Variants in LRRK2 observed in about 807,000 individuals in gnomAD.
LRRK2 encodes leucine rich repeat kinase 2, also known as leucine-rich repeat serine/threonine-protein kinase 2.
A neutral mutation model predicts 302.6 loss-of-function variants in LRRK2; 203 were observed. The ratio of observed to expected loss-of-function variants is 0.67; its 90% confidence interval spans 0.60 to 0.75. The LOEUF is 0.75. Among genes scored for constraint, LRRK2 ranks in the 30% least tolerant of loss-of-function variants. LRRK2 has a pLI of 0.00. For missense variants in LRRK2, 2,830 were observed against 2,951.0 expected (o/e 0.96, Z 0.95); for synonymous variants, 1,066 against 1,031.9 (o/e 1.03, Z -0.63).
intron 7 of LRRK2, among the ~76,000 whole-genome samples, chr12:40,247,486 A>G (rs1018763302): frequency 6.2e-5 from 9 of 145,228 alleles, no homozygotes; most frequent in Non-Finnish European, 1.2e-4. Flanking sequence ...TTGTATATAA[A>G]TGTGTATATA....
At chr12:40,272,098 C>A (rs1258022023) in intron 14 of LRRK2, among the ~76,000 whole-genome samples, 2 of 152,138 alleles carry the variant, frequency 1.3e-5, no homozygotes, top group African/African-American at 4.8e-5. Context: ...AATGCACACT[C>A]CTTGTTTGAA....
chr12:40,237,823 C>CAACAAACA (rs58016929), intron 4 of LRRK2, 146 bp from the exon 5 acceptor site: 91 of 753,048 alleles, frequency 1.2e-4, no homozygotes, highest in Admixed American at 5.8e-4. Context: ...AGTAGTTTAT[C>CAACAAACA]AACAAACAAA....
chr12:40,263,181 T>A (rs1457076960), intron 13 of LRRK2, among the ~76,000 whole-genome samples: 2 of 152,210 alleles, frequency 1.3e-5, no homozygotes, highest in African/African-American at 4.8e-5. Flanking sequence ...TTTAATTATA[T>A]GTTACATTAC....
intron 41 of LRRK2, among the ~76,000 whole-genome samples, chr12:40,341,702 A>G (rs1433575834): frequency 6.6e-6 from 1 of 152,120 alleles, no homozygotes; most frequent in Admixed American, 6.5e-5. Context: ...GCTCAGGGAG[A>G]TTATGTAACT....
At chr12:40,302,056 T>C (rs1008951940) in intron 25 of LRRK2, among the ~76,000 whole-genome samples, 10 of 152,062 alleles carry the variant, frequency 6.6e-5, no homozygotes, top group African/African-American at 2.4e-4. Flanking sequence ...CACCTGCCTG[T>C]AATCCCAGCT....
rs1945521612 is a variant in LRRK2, at chr12:40,325,512, T to C, written c.5656+2206T>C. On this transcript the variant is annotated intron_variant, in intron 38 of 50. Transcript: ENST00000298910. ...GTCATCCTGTGCACTGCAGAATGTT[T>C]GGCAGCATCTCTGTCTATCCACTAG... Among the ~76,000 whole-genome samples the C allele has an allele frequency of 4.6e-5, 7 of 152,332 alleles. No homozygotes were observed. The South Asian group carries it at 1.4e-3, about 32-fold the overall frequency.
In LRRK2 at chr12:40,235,725, T is replaced by C. The variant is rs750569954; in HGVS notation, c.436+11T>C. 1.3e-6 allele frequency: 2 copies of C among 1,509,726 alleles called. No individual in the cohort carries two copies. The highest frequency in any genetic ancestry group is 3.3e-5 in the Admixed American group (2 of 59,864). 93.5% of individuals were successfully genotyped at this position (1,509,726 alleles called of 1,614,324 possible). A position where few individuals can be genotyped will look rare whatever the true frequency, so the allele number is the denominator to read the frequency against. ...TCCTCCTAACTTCAGGTAATATGTG[T>C]ATATGTTTTTTGTGTTGATTCAAAT... is the stretch of plus-strand genomic sequence containing the variant. On this transcript the variant is annotated intron_variant, in intron 4 of 50. Transcript: ENST00000298910.
intron 41 of LRRK2, among the ~76,000 whole-genome samples, chr12:40,346,445 A>G (rs563685898): frequency 6.6e-6 from 1 of 152,314 alleles, no homozygotes; most frequent in East Asian, 1.9e-4. Flanking sequence ...ATGAAATTCT[A>G]CTTAATAACT....
intron 18 of LRRK2, among the ~76,000 whole-genome samples, chr12:40,282,189 C>CTCCTTCCT (rs148321147): frequency 2.9e-5 from 4 of 138,706 alleles, no homozygotes; most frequent in South Asian, 5.1e-4. Context: ...CCTTCCCCTT[C>CTCCTTCCT]TCCTTCCTTC....
intron 46 of LRRK2, among the ~76,000 whole-genome samples, chr12:40,357,701 A>G (rs1946581272): frequency 1.3e-5 from 2 of 151,974 alleles, no homozygotes; most frequent in Non-Finnish European, 2.9e-5. Flanking sequence ...GTTAATGTTG[A>G]GCATTTTTTT....
intron 49 of LRRK2, 200 bp downstream of exon 49, chr12:40,365,250 A>G: frequency 1.8e-6 from 1 of 568,604 alleles, no homozygotes; most frequent in Non-Finnish European, 3.1e-6. Context: ...CAGTCCCACA[A>G]GAGAAGCAGA....
rs201712702 is a variant in LRRK2, at chr12:40,321,191, A to G, written c.5170+3A>G. On this transcript the variant is annotated splice_donor_region_variant and intron_variant, in intron 35 of 50. Transcript: ENST00000298910. Reference sequence around the variant, plus strand: ...ACCTTACATGCTTTCAGGGAGAGGTAAGTATCTAATGAAGACTTATTAGAT... The same window carrying G: ...ACCTTACATGCTTTCAGGGAGAGGTGAGTATCTAATGAAGACTTATTAGAT... 1.3e-5 allele frequency: 21 copies of G among 1,610,606 alleles called. No homozygotes were observed. Among genetic ancestry groups the G allele is most frequent in the East Asian group, 2.2e-5 (1 of 44,794 alleles).
At chr12:40,258,592 A>G (rs2046928) in intron 12 of LRRK2, among the ~76,000 whole-genome samples, 16,719 of 152,168 alleles carry the variant, frequency 0.11, 1,128 homozygotes, top group Middle Eastern at 0.13. Flanking sequence ...TGGCTCTGAC[A>G]GTGTGTCTGC....
chr12:40,334,598 C>T (rs990914339), intron 39 of LRRK2, among the ~76,000 whole-genome samples: 3 of 152,020 alleles, frequency 2.0e-5, no homozygotes, highest in East Asian at 1.9e-4. Context: ...ATTTAATCTT[C>T]GTTAAGTAGA....
At chr12:40,233,128 G>C (rs1941280596) in intron 3 of LRRK2, among the ~76,000 whole-genome samples, 1 of 152,188 alleles carries the variant, frequency 6.6e-6, no homozygotes, top group African/African-American at 2.4e-5. Context: ...TTGAACCTGG[G>C]AGGCGGAGGT....
chr12:40,320,754 A>C (rs1008560358), intron 34 of LRRK2, among the ~76,000 whole-genome samples: 1 of 152,032 alleles, frequency 6.6e-6, no homozygotes, highest in African/African-American at 2.4e-5. Flanking sequence ...GATTTATATA[A>C]GATTACATTT....
chr12:40,236,566 G>A (rs1296998011), intron 4 of LRRK2, among the ~76,000 whole-genome samples: 2 of 152,172 alleles, frequency 1.3e-5, no homozygotes, highest in Non-Finnish European at 2.9e-5. Flanking sequence ...GAAGGGCTGG[G>A]AGGAGTTTCC....
chr12:40,237,954 T>C lies in LRRK2; in HGVS notation c.437-15T>C. 1.2e-6 allele frequency: 2 copies of C among 1,607,080 alleles called. No individual in the cohort carries two copies. Among genetic ancestry groups the C allele is most frequent in the East Asian group, 2.2e-5 (1 of 44,798 alleles). Reference sequence around the variant, plus strand: ...GCAGCTCTTTACTCAGAGCATATTATTCTCTTTAAAATAGGTAAAATCACC... The same window carrying C: ...GCAGCTCTTTACTCAGAGCATATTACTCTCTTTAAAATAGGTAAAATCACC... On this transcript the variant is annotated splice_polypyrimidine_tract_variant and intron_variant, in intron 4 of 50. Coordinates refer to ENST00000298910, the MANE Select transcript of LRRK2 (RefSeq NM_198578.4).
intron 13 of LRRK2, 97 bp from the exon 14 acceptor site, chr12:40,263,690 TTG>T (rs1330284799): frequency 2.4e-6 from 2 of 842,154 alleles, no homozygotes; most frequent in African/African-American, 3.4e-5. Context: ...AACACATATA[TTG>T]TGAGATTAAT....
Sources: gnomAD v4.1 joint callset for allele counts (sites outside exome capture counted in the v4.1 genomes callset) on GRCh38, gnomAD v4.1.1 for gene constraint, MANE v1.5 for transcripts, NCBI Gene and HGNC (gene_info 2026-07-23, HGNC 2026-07-21) for gene names.